KAZN: variants seen among roughly 807,000 people sequenced by gnomAD.
The protein encoded by KAZN is kazrin, periplakin interacting protein.
In KAZN, 40 loss-of-function variants were observed where a neutral mutation model predicts 87.4. The ratio of observed to expected loss-of-function variants is 0.46; its 90% CI spans 0.36 to 0.60. The LOEUF is 0.60. Ranked by LOEUF, KAZN falls within the 20% of genes least tolerant of loss-of-function variation. The probability of loss-of-function intolerance (pLI) is 0.00; values close to 1 mark genes in which losing one functional copy is unlikely to be tolerated. For missense variants in KAZN, 898 were observed against 1,073.9 expected, an observed-to-expected ratio of 0.84 and a Z score of 2.29; for synonymous variants, 466 against 458.3, an observed-to-expected ratio of 1.02 and a Z score of -0.22.
At chr1:14,364,695 TTC>T (rs1420924546) in intron 2 of KAZN, among the ~76,000 whole-genome samples, 2 of 152,190 alleles carry the variant, frequency 1.3e-5, no homozygotes, top group East Asian at 1.9e-4. Flanking sequence ...CAGAAATTCA[TTC>T]TCTCTGAGTT....
intron 2 of KAZN, among the ~76,000 whole-genome samples, chr1:14,186,042 T>C (rs933102555): frequency 1.3e-5 from 2 of 152,158 alleles, no homozygotes; most frequent in African/African-American, 4.8e-5. Flanking sequence ...GATGCTTGAA[T>C]AGAATAGTGT....
chr1:14,791,599 C>T (rs1645676222), intron 1 of KAZN, among the ~76,000 whole-genome samples: 1 of 152,212 alleles, frequency 6.6e-6, no homozygotes, highest in South Asian at 2.1e-4. Context: ...CTCCACTTGC[C>T]CACAAAGTAC....
At chr1:14,211,193 A>G (rs1571026644) in intron 2 of KAZN, among the ~76,000 whole-genome samples, 1 of 152,276 alleles carries the variant, frequency 6.6e-6, no homozygotes, top group East Asian at 1.9e-4. Flanking sequence ...ATTTGTCCAC[A>G]ATTCAAACCT....
chr1:14,923,940 C>T lies in KAZN; in HGVS notation c.227-36744C>T, dbSNP rs1658830381. Among the ~76,000 whole-genome samples the T allele has an allele frequency of 6.6e-6, 1 of 152,044 alleles. No homozygotes were observed. The highest frequency in any genetic ancestry group is 1.5e-5 in the Non-Finnish European group (1 of 67,984). ...CGGCCGTCTTTCTGACCCTCCGTGT[C>T]CCCGGGAATGACCGCGTCGGGGATG... On this transcript the variant is annotated intron_variant, in intron 1 of 14. Coordinates refer to ENST00000376030, the MANE Select transcript of KAZN (RefSeq NM_201628.3). This position sits in a 1 kb window ranked among gnomAD's most constrained non-coding sequence, Gnocchi z 4.2.
At chr1:14,818,314 C>T (rs969668365) in intron 1 of KAZN, among the ~76,000 whole-genome samples, 3 of 152,340 alleles carry the variant, frequency 2.0e-5, no homozygotes, top group East Asian at 1.9e-4. Flanking sequence ...TGGCTGAAAA[C>T]AGATGGCCCA....
At chr1:14,045,393 A>G (rs1180078259) in intron 1 of KAZN, among the ~76,000 whole-genome samples, 1 of 152,222 alleles carries the variant, frequency 6.6e-6, no homozygotes, top group Non-Finnish European at 1.5e-5. Flanking sequence ...CTCTGAACTC[A>G]ATTGACTTTG....
intron 2 of KAZN, among the ~76,000 whole-genome samples, chr1:14,579,297 C>T (rs755532404): frequency 6.6e-6 from 1 of 152,162 alleles, no homozygotes; most frequent in Non-Finnish European, 1.5e-5. Flanking sequence ...CAATTTCTGA[C>T]ACCCATTAAT....
At chr1:14,688,333 G>T (rs1287154750) in intron 1 of KAZN, among the ~76,000 whole-genome samples, 1 of 152,200 alleles carries the variant, frequency 6.6e-6, no homozygotes, top group Non-Finnish European at 1.5e-5. Context: ...GAGCTAGATG[G>T]CCTCTCAAGT....
At chr1:14,252,757 C>T (rs1650161347) in intron 2 of KAZN, among the ~76,000 whole-genome samples, 1 of 152,134 alleles carries the variant, frequency 6.6e-6, no homozygotes, top group African/African-American at 2.4e-5. Context: ...TTAGTTTCAT[C>T]AACAAATAAA....
At chr1:14,834,839 A>C (rs1271593049) in intron 1 of KAZN, among the ~76,000 whole-genome samples, 1 of 150,586 alleles carries the variant, frequency 6.6e-6, no homozygotes, top group Admixed American at 6.6e-5. Flanking sequence ...TTAGTATTAT[A>C]TAATGATGAA....
intron 2 of KAZN, among the ~76,000 whole-genome samples, chr1:14,514,399 ATATATAT>A (rs1671129799): frequency 4.0e-5 from 1 of 25,024 alleles, no homozygotes; most frequent in African/African-American, 1.6e-4. Flanking sequence ...ATATATATTT[ATATATAT>A]AATATATAAA....
At chr1:14,170,141 G>A (rs538937267) in intron 1 of KAZN, among the ~76,000 whole-genome samples, 1 of 152,282 alleles carries the variant, frequency 6.6e-6, no homozygotes, top group African/African-American at 2.4e-5. Flanking sequence ...CAGTTCATCA[G>A]CTCTCAAACC....
chr1:14,512,447 G>A (rs1184999046), intron 2 of KAZN, among the ~76,000 whole-genome samples: 1 of 152,080 alleles, frequency 6.6e-6, no homozygotes, highest in Non-Finnish European at 1.5e-5. Flanking sequence ...AAATGTTGAC[G>A]AATGTCCCCT....
intron 1 of KAZN, among the ~76,000 whole-genome samples, chr1:14,040,630 C>T (rs865961737): frequency 1.3e-5 from 2 of 151,872 alleles, no homozygotes; most frequent in Non-Finnish European, 2.9e-5. Context: ...GGCATGGTGG[C>T]GCCCGCCTGT....
chr1:14,780,007 G>A (rs1212039638), intron 1 of KAZN, among the ~76,000 whole-genome samples: 2 of 152,212 alleles, frequency 1.3e-5, no homozygotes, highest in Non-Finnish European at 2.9e-5. Context: ...CTAAGTGCTT[G>A]ACAAGCTTTG....
At chr1:14,785,094 A>G (rs1327520945) in intron 1 of KAZN, among the ~76,000 whole-genome samples, 1 of 151,666 alleles carries the variant, frequency 6.6e-6, no homozygotes, top group Non-Finnish European at 1.5e-5. Context: ...AGTGGCGTGG[A>G]CCCTAAGATT....
intron 6 of KAZN, chr1:15,062,477 A>G (rs1482908229): frequency 6.6e-6 from 1 of 152,502 alleles, no homozygotes; most frequent in Non-Finnish European, 1.5e-5. Context: ...GAAGAGCCCA[A>G]AAATAGCTAC....
chr1:14,736,177 A>G (rs1643891180), intron 1 of KAZN, among the ~76,000 whole-genome samples: 1 of 151,816 alleles, frequency 6.6e-6, no homozygotes, highest in South Asian at 2.1e-4. Flanking sequence ...CCATGTGGCT[A>G]AAAATGGGAA....
chr1:14,380,800 A>G (rs1335826891), intron 2 of KAZN, among the ~76,000 whole-genome samples: 2 of 152,246 alleles, frequency 1.3e-5, no homozygotes, highest in Non-Finnish European at 2.9e-5. Flanking sequence ...CAGGGGTAGA[A>G]AGTTTAGTAA....
Sources: gnomAD v4.1 joint callset for allele counts (sites outside exome capture counted in the v4.1 genomes callset) on GRCh38, gnomAD v4.1.1 for gene constraint, Gnocchi (gnomAD v3.1) non-coding constraint, MANE v1.5 for transcripts, NCBI Gene and HGNC (gene_info 2026-07-23, HGNC 2026-07-21) for gene names.